The following AKAP10 variants were observed in gnomAD, a reference collection of about 807,000 sequenced individuals.
AKAP10 encodes the protein A-kinase anchor protein 10, mitochondrial.
In AKAP10, 24 loss-of-function variants were observed where a neutral mutation model predicts 80.8. The ratio of observed to expected loss-of-function variants is 0.30; its 90% CI spans 0.22 to 0.42. AKAP10 has a LOEUF of 0.42. Ranked by LOEUF, AKAP10 falls within the 10% of genes least tolerant of loss-of-function variation. AKAP10 has a pLI of 1.00. For missense variants in AKAP10, 661 were observed against 794.9 expected (o/e 0.83, Z 2.03); for synonymous variants, 291 against 277.7 (o/e 1.05, Z -0.48).
At chr17:19,971,180 T>C (rs941225998) in intron 1 of AKAP10, among the ~76,000 whole-genome samples, 2 of 151,628 alleles carry the variant, frequency 1.3e-5, no homozygotes, top group African/African-American at 2.4e-5. Flanking sequence ...TGTATGTGTA[T>C]TTTTTTTAAT....
intron 5 of AKAP10, among the ~76,000 whole-genome samples, chr17:19,946,276 T>TATATATAATATATATATA: frequency 9.3e-5 from 1 of 10,810 alleles, no homozygotes; most frequent in South Asian, 3.0e-3. Flanking sequence ...TATATATATA[T>TATATATAATATATATATA]TTTTTTTTTT....
chr17:19,922,358 T>G (rs1477104920), intron 11 of AKAP10, among the ~76,000 whole-genome samples: 1 of 152,188 alleles, frequency 6.6e-6, no homozygotes, highest in East Asian at 1.9e-4. Flanking sequence ...TTACTTGCCT[T>G]GAGAAAAATT....
intron 8 of AKAP10, among the ~76,000 whole-genome samples, chr17:19,937,202 A>G (rs1276785904): frequency 6.6e-6 from 1 of 152,226 alleles, no homozygotes; most frequent in Non-Finnish European, 1.5e-5. Flanking sequence ...ATGCATATAT[A>G]TGATACAAAA....
chr17:19,939,637 T>C, intron 8 of AKAP10, 76 bp downstream of exon 8: 2 of 1,518,050 alleles, frequency 1.3e-6, no homozygotes, highest in Non-Finnish European at 1.8e-6. Flanking sequence ...AGACTGAGTT[T>C]ATTCATCTTT....
intron 14 of AKAP10, among the ~76,000 whole-genome samples, chr17:19,908,972 G>A (rs932623968): frequency 2.0e-5 from 3 of 152,160 alleles, no homozygotes; most frequent in Admixed American, 6.6e-5. Context: ...GGCTCTGTTT[G>A]GTTTCCATGG....
At chr17:19,912,623 C>G (rs549436859) in intron 12 of AKAP10, among the ~76,000 whole-genome samples, 1 of 151,988 alleles carries the variant, frequency 6.6e-6, no homozygotes, top group South Asian at 2.1e-4. Context: ...GAGGCTGAGG[C>G]AGAATTGCTT....
At chr17:19,908,709 G>T (rs909845999) in intron 14 of AKAP10, among the ~76,000 whole-genome samples, 8 of 151,172 alleles carry the variant, frequency 5.3e-5, no homozygotes, top group African/African-American at 2.0e-4. Flanking sequence ...GTGTGATCTC[G>T]GCTCACTGCA....
intron 9 of AKAP10, among the ~76,000 whole-genome samples, chr17:19,935,065 C>T (rs912232997): frequency 2.0e-5 from 3 of 152,120 alleles, no homozygotes; most frequent in African/African-American, 4.8e-5. Flanking sequence ...AGGCTGCTTG[C>T]CATTGTGCTA....
intron 8 of AKAP10, 32 bp from the exon 9 acceptor site, chr17:19,936,462 A>G: frequency 6.3e-7 from 1 of 1,580,444 alleles, no homozygotes; most frequent in South Asian, 1.1e-5. Flanking sequence ...AGTAAAATCA[A>G]ATTCCATAGC....
Position 19,957,995 on chromosome 17 carries a change from A to G in AKAP10, c.877+19T>C. 2 of 1,593,706 alleles carry G rather than the reference A, an allele frequency of 1.3e-6. No homozygotes were observed. The highest frequency in any genetic ancestry group is 1.7e-6 in the Non-Finnish European group (2 of 1,168,744). ...GAAAGTGAGACACATATGTACACAC[A>G]AGAAAATCACATACTCACTTTTCAT... On this transcript the variant is annotated intron_variant, in intron 4 of 14. Transcript: ENST00000225737.
chr17:19,951,219 C>CAGCCCCCGCCCGGCCAGCCGCCCCGTCT (rs2043207751), intron 4 of AKAP10, among the ~76,000 whole-genome samples: 2 of 44,830 alleles, frequency 4.5e-5, no homozygotes, highest in Admixed American at 2.0e-4. Flanking sequence ...CCGCCCCGTC[C>CAGCCCCCGCCCGGCCAGCCGCCCCGTCT]GGGAGGGAGG....
intron 10 of AKAP10, among the ~76,000 whole-genome samples, chr17:19,927,408 G>A (rs2042886454): frequency 6.6e-6 from 1 of 152,042 alleles, no homozygotes; most frequent in Non-Finnish European, 1.5e-5. Context: ...ACAGAATGAA[G>A]AAAATACCTG....
chr17:19,971,935 G>T (rs915438167), intron 1 of AKAP10, among the ~76,000 whole-genome samples: 2 of 152,112 alleles, frequency 1.3e-5, no homozygotes, highest in Admixed American at 1.3e-4. Flanking sequence ...GCAAAACCCT[G>T]TCTCTACTAA....
In AKAP10 at chr17:19,939,854, G is replaced by C; in HGVS notation, c.1186-5C>G. On this transcript the variant is annotated splice_polypyrimidine_tract_variant and splice_region_variant and intron_variant, in intron 7 of 14. Coordinates refer to ENST00000225737, the MANE Select transcript of AKAP10 (RefSeq NM_007202.4). ...TGCATCCTCTTTTTCCATGTACTAG[G>C]AAGAAAAAATACACAAGGGAAAATA... is the stretch of plus-strand genomic sequence containing the variant. 6.2e-7 allele frequency: 1 copy of C among 1,607,614 alleles called. No individual in the cohort carries two copies. Among genetic ancestry groups the C allele is most frequent in the Non-Finnish European group, 8.5e-7 (1 of 1,177,886 alleles).
intron 8 of AKAP10, among the ~76,000 whole-genome samples, chr17:19,938,692 T>A (rs897788033): frequency 1.3e-5 from 2 of 152,072 alleles, no homozygotes; most frequent in African/African-American, 4.8e-5. Context: ...GTTACCCCTT[T>A]AGCATTTGCT....
chr17:19,907,392 T>C (rs1038238519), intron 14 of AKAP10, among the ~76,000 whole-genome samples: 2 of 151,824 alleles, frequency 1.3e-5, no homozygotes, highest in African/African-American at 2.4e-5. Context: ...TTTCTCATTA[T>C]ACTCTTGTTT....
intron 14 of AKAP10, among the ~76,000 whole-genome samples, chr17:19,907,245 CG>C (rs1260074295): frequency 6.6e-6 from 1 of 151,804 alleles, no homozygotes; most frequent in African/African-American, 2.4e-5. Flanking sequence ...CTTGAACTAC[CG>C]ATCTCAGGTG....
chr17:19,942,002 A>G (rs1007107559), intron 5 of AKAP10, 92 bp from the exon 6 acceptor site: 7 of 969,042 alleles, frequency 7.2e-6, no homozygotes, highest in African/African-American at 3.3e-5. Context: ...CAGCACAGGC[A>G]TATAAATTAA....
chr17:19,976,346 G>A (rs1420657723), intron 1 of AKAP10, among the ~76,000 whole-genome samples: 1 of 151,850 alleles, frequency 6.6e-6, no homozygotes, highest in Non-Finnish European at 1.5e-5. Context: ...AGCCGGGCAT[G>A]GTGGGGCATG....
Sources: allele counts gnomAD v4.1 joint callset (sites outside exome capture counted in the v4.1 genomes callset), GRCh38; gene constraint gnomAD v4.1.1; transcripts MANE v1.5; gene names NCBI Gene and HGNC (gene_info 2026-07-23, HGNC 2026-07-21).